The following MAGI2 variants were observed in gnomAD, a reference collection of about 807,000 sequenced individuals.
The protein encoded by MAGI2 is membrane associated guanylate kinase, WW and PDZ domain containing 2.
A neutral mutation model predicts 133.3 loss-of-function variants in MAGI2; 35 were observed. The ratio of observed to expected loss-of-function variants is 0.26; its 90% CI spans 0.20 to 0.35. The LOEUF (loss-of-function observed/expected upper bound fraction) is 0.35, where lower values mean the gene tolerates loss of function less well. MAGI2 is among the 10% of genes least tolerant of loss of function. MAGI2 has a pLI of 1.00. For missense variants in MAGI2, 1,636 were observed against 1,863.4 expected (o/e 0.88, Z 2.25); for synonymous variants, 729 against 710.6 (o/e 1.03, Z -0.41).
At chr7:78,235,898 A>G (rs1790485412) in intron 10 of MAGI2, among the ~76,000 whole-genome samples, 1 of 152,126 alleles carries the variant, frequency 6.6e-6, no homozygotes, top group Non-Finnish European at 1.5e-5. Context: ...AACAAAGGGT[A>G]GTTGGTGGCC....
intron 1 of MAGI2, among the ~76,000 whole-genome samples, chr7:79,096,139 C>T (rs1224800913): frequency 6.6e-6 from 1 of 152,072 alleles, no homozygotes; most frequent in African/African-American, 2.4e-5. Context: ...TATGGTGTTG[C>T]TGGGAGGCAT....
intron 3 of MAGI2, among the ~76,000 whole-genome samples, chr7:78,523,360 T>G (rs1175881761): frequency 6.6e-6 from 1 of 152,040 alleles, no homozygotes; most frequent in Non-Finnish European, 1.5e-5. Context: ...ACGCCCGTAG[T>G]CCCATCTATT....
At chr7:78,633,660 C>T (rs561567278) in intron 2 of MAGI2, among the ~76,000 whole-genome samples, 1 of 145,362 alleles carries the variant, frequency 6.9e-6, no homozygotes, top group African/African-American at 2.6e-5. Flanking sequence ...GAGCAGAGAT[C>T]GCGCCACTGC....
At chr7:78,191,227 C>CT (rs35266347) in intron 12 of MAGI2, among the ~76,000 whole-genome samples, 6,705 of 144,302 alleles carry the variant, frequency 0.046, 185 homozygotes, top group Non-Finnish European at 0.07. Context: ...GGAAATAATT[C>CT]TTTTTTTTTT....
At chr7:78,199,976 G>A (rs141878719) in intron 11 of MAGI2, among the ~76,000 whole-genome samples, 40 of 152,350 alleles carry the variant, frequency 2.6e-4, no homozygotes, top group African/African-American at 9.4e-4. Context: ...ACAGAGCACA[G>A]ATTTAAGTTT....
chr7:78,609,297 T>C (rs1806175124), intron 3 of MAGI2, among the ~76,000 whole-genome samples: 1 of 152,138 alleles, frequency 6.6e-6, no homozygotes, highest in South Asian at 2.1e-4. Context: ...CTTGAAGCCA[T>C]ATATATCTCC....
intron 9 of MAGI2, among the ~76,000 whole-genome samples, chr7:78,288,820 G>C (rs1437374208): frequency 1.3e-5 from 2 of 152,220 alleles, no homozygotes; most frequent in East Asian, 1.9e-4. Flanking sequence ...GCCTCCGCTG[G>C]TGATACCCAG....
intron 6 of MAGI2, among the ~76,000 whole-genome samples, chr7:78,416,816 T>G (rs1405864406): frequency 6.6e-6 from 1 of 152,128 alleles, no homozygotes. Context: ...TATATGTCCC[T>G]TTTCCCCTTT....
chr7:78,604,496 G>A (rs1805587352), intron 3 of MAGI2, among the ~76,000 whole-genome samples: 1 of 152,136 alleles, frequency 6.6e-6, no homozygotes, highest in Non-Finnish European at 1.5e-5. Context: ...ATGTTCTAAT[G>A]TAATAAATGA....
intron 6 of MAGI2, among the ~76,000 whole-genome samples, chr7:78,412,659 G>A (rs573262047): frequency 6.6e-6 from 1 of 152,140 alleles, no homozygotes; most frequent in Admixed American, 6.6e-5. Context: ...GAGAGAAAAG[G>A]GCAGTAACAG....
intron 2 of MAGI2, among the ~76,000 whole-genome samples, chr7:78,676,768 G>T (rs962234591): frequency 1.3e-5 from 2 of 152,030 alleles, no homozygotes; most frequent in African/African-American, 2.4e-5. Flanking sequence ...TGTGATGAAC[G>T]TGGATATTAT....
intron 13 of MAGI2, among the ~76,000 whole-genome samples, chr7:78,180,947 T>TTTTTTC (rs1827133996): frequency 7.6e-6 from 1 of 132,424 alleles, no homozygotes; most frequent in African/African-American, 2.6e-5. Context: ...TTTTTTTTTT[T>TTTTTTC]TTTAGGGAAA....
At chr7:78,209,135 T>C (rs1279321618) in intron 10 of MAGI2, among the ~76,000 whole-genome samples, 2 of 79,274 alleles carry the variant, frequency 2.5e-5, no homozygotes, top group African/African-American at 4.2e-5. Context: ...GGCAGGAGAA[T>C]GGCGTGAACC....
rs1231870827 is a variant in MAGI2, at chr7:78,304,962, C to T, written c.1408+38816G>A. Among the ~76,000 whole-genome samples the T allele has an allele frequency of 2.6e-5, 4 of 152,174 alleles. No homozygotes were observed. In the East Asian group the frequency reaches 7.7e-4, roughly 29 times the overall value. On this transcript the variant is annotated intron_variant, in intron 9 of 21. Transcript: ENST00000354212. ...TGTGTGGAATGGAGTAGCACTTCTA[C>T]CACCTGCCATTATATTATAGATTGA...
At chr7:78,045,460 T>C (rs539617276) in intron 21 of MAGI2, among the ~76,000 whole-genome samples, 1 of 152,302 alleles carries the variant, frequency 6.6e-6, no homozygotes, top group East Asian at 1.9e-4. Context: ...GCAGCTCACA[T>C]TCTAGGGAAA....
intron 10 of MAGI2, among the ~76,000 whole-genome samples, chr7:78,232,109 C>T (rs1029836323): frequency 2.0e-5 from 3 of 151,860 alleles, no homozygotes; most frequent in Non-Finnish European, 4.4e-5. Flanking sequence ...TTAAGGTATA[C>T]TGTTGGAAAG....
At chr7:78,244,188 A>AAAG (rs1431887565) in intron 10 of MAGI2, among the ~76,000 whole-genome samples, 1 of 135,904 alleles carries the variant, frequency 7.4e-6, no homozygotes, top group African/African-American at 2.9e-5. Flanking sequence ...AAAAAAAAAA[A>AAAG]AAAAAGAAAA....
intron 10 of MAGI2, among the ~76,000 whole-genome samples, chr7:78,239,469 G>A (rs926514796): frequency 1.1e-4 from 16 of 152,122 alleles, no homozygotes; most frequent in Non-Finnish European, 2.2e-4. Flanking sequence ...ACAATGAAGT[G>A]ACAACATGAA....
intron 1 of MAGI2, among the ~76,000 whole-genome samples, chr7:79,448,104 G>A (rs562728232): frequency 3.3e-5 from 5 of 151,372 alleles, no homozygotes; most frequent in South Asian, 2.1e-4. Context: ...AAAGATATGC[G>A]GTATGAAGAA....
Sources: allele counts gnomAD v4.1 joint callset (sites outside exome capture counted in the v4.1 genomes callset), GRCh38; gene constraint gnomAD v4.1.1; transcripts MANE v1.5; gene names NCBI Gene and HGNC (gene_info 2026-07-23, HGNC 2026-07-21).